The following ZNF880 variants were observed in gnomAD, a reference collection of about 807,000 sequenced individuals.
ZNF880 encodes zinc finger protein 880, also known as zinc finger protein LOC400713.
ZNF880 carries 12 observed loss-of-function variants against 11.8 expected under a neutral mutation model. The ratio of observed to expected loss-of-function variants is 1.02; its 90% CI spans 0.65 to 1.65. The LOEUF is 1.65. Among genes scored for constraint, ZNF880 ranks in the 40% most tolerant of loss-of-function variants. ZNF880 has a pLI of 0.00. For missense variants in ZNF880, 601 were observed against 673.9 expected, an observed-to-expected ratio of 0.89 and a Z score of 1.20; for synonymous variants, 210 against 232.4, an observed-to-expected ratio of 0.90 and a Z score of 0.88.
Position 52,384,187 on chromosome 19 carries a change from C to T in ZNF880, c.607C>T (p.Gln203Ter). Residue 203 changes from glutamine (Q) to a stop codon, truncating the protein, a stop_gained, in exon 4 of 4, where the codon CAA (glutamine) becomes TAA (stop). Coordinates refer to ENST00000422689, the MANE Select transcript of ZNF880 (RefSeq NM_001145434.2). LOFTEE classifies it low-confidence loss of function (END_TRUNC). ...AGTGTCTTCAAGACTTGCTAACAATCAAGTAATCCACACTGCAGATAACCC... is the reference window on the plus strand; with the variant it reads ...AGTGTCTTCAAGACTTGCTAACAATTAAGTAATCCACACTGCAGATAACCC... Reference protein sequence around the residue: ...FRVSSRLANNQVIHTADNPYK... With the variant: ...FRVSSRLANN 1.9e-6 allele frequency: 3 copies of T among 1,610,984 alleles called. No individual in the cohort carries two copies. The highest frequency in any genetic ancestry group is 2.5e-6 in the Non-Finnish European group (3 of 1,178,280).
downstream of ZNF880, among the ~76,000 whole-genome samples, chr19:52,387,984 A>G (rs1462088127): frequency 1.5e-5 from 2 of 136,372 alleles, no homozygotes; most frequent in Non-Finnish European, 3.1e-5. Context: ...GGTTGAAGCA[A>G]TTCTTCTGCT....
chr19:52,375,060 C>T (rs1986512801), intron 3 of ZNF880, among the ~76,000 whole-genome samples: 1 of 151,692 alleles, frequency 6.6e-6, no homozygotes, highest in Admixed American at 6.6e-5. Context: ...TTTCTTTGCC[C>T]CCTCTTACTG....
In ZNF880 at chr19:52,376,509, C is replaced by CTTTTTTTTTTT. The variant is rs869288387; in HGVS notation, c.268+2090_268+2100dup. ...GTCCTTAGCACCGCCCCCCCCCCCC[C>CTTTTTTTTTTT]TTTTTTTTTTTTTTTTTTGAGACAG... On this transcript the variant is annotated intron_variant, in intron 3 of 3. Transcript: ENST00000422689. Among the ~76,000 whole-genome samples the CTTTTTTTTTTT allele has an allele frequency of 3.6e-4, 21 of 58,322 alleles. 2 individuals are homozygous for CTTTTTTTTTTT. The highest frequency in any genetic ancestry group is 4.4e-4 in the Non-Finnish European group (15 of 34,028). 38.3% of individuals were successfully genotyped at this position (58,322 alleles called of 152,430 possible). A position where few individuals can be genotyped will look rare whatever the true frequency, so the allele number is the denominator to read the frequency against.
chr19:52,387,209 T>G (rs1045687244), downstream of ZNF880, among the ~76,000 whole-genome samples: 1 of 144,250 alleles, frequency 6.9e-6, no homozygotes, highest in Non-Finnish European at 1.5e-5. Context: ...CAGAACAATT[T>G]TGTGTGTGTG....
At chr19:52,367,964 G>T (rs1281700364), upstream of ZNF880, among the ~76,000 whole-genome samples, 1 of 152,000 alleles carries the variant, frequency 6.6e-6, no homozygotes, top group Non-Finnish European at 1.5e-5. Context: ...ACTTTGGGAG[G>T]CTGCATTGGG....
chr19:52,369,936 C>A lies in ZNF880; in HGVS notation c.-30C>A, dbSNP rs2122335957. 1 of 1,551,596 alleles carries A rather than the reference C, an allele frequency of 6.4e-7. No homozygotes were observed. The highest frequency in any genetic ancestry group is 1.7e-4 in the Middle Eastern group (1 of 5,992). ...AGCTGCGCGCGCAGTTTCCTGGAGA[C>A]CCGGAAGCAGATTACGTGGAGTGAC... On this transcript the variant is annotated 5_prime_UTR_variant, in exon 1 of 4. Coordinates refer to ENST00000422689, the MANE Select transcript of ZNF880 (RefSeq NM_001145434.2).
chr19:52,386,529 G>A (rs561158349), downstream of ZNF880, among the ~76,000 whole-genome samples: 161 of 143,450 alleles, frequency 1.1e-3, 18 homozygotes, highest in Non-Finnish European at 2.0e-3. Flanking sequence ...TTGGCTGGGC[G>A]CGGTGGCTCA....
chr19:52,371,049 T>G (rs952188262), intron 1 of ZNF880, among the ~76,000 whole-genome samples: 2 of 152,208 alleles, frequency 1.3e-5, no homozygotes, highest in African/African-American at 4.8e-5. Context: ...AGTGTGTACA[T>G]GTGATGTGTG....
intron 1 of ZNF880, among the ~76,000 whole-genome samples, chr19:52,371,668 G>T (rs1358082856): frequency 6.6e-6 from 1 of 151,246 alleles, no homozygotes; most frequent in Non-Finnish European, 1.5e-5. Context: ...GAGCCACCAC[G>T]CCTGGCCTAA....
At chr19:52,369,457 C>A (rs1179287254), upstream of ZNF880, among the ~76,000 whole-genome samples, 1 of 151,360 alleles carries the variant, frequency 6.6e-6, no homozygotes, top group African/African-American at 2.4e-5. Flanking sequence ...ATAAACAATT[C>A]AAGGACTTTA....
At chr19:52,390,220 A>G (rs7253837), downstream of ZNF880, 109,872 of 227,956 alleles carry the variant, frequency 0.48, 27,205 homozygotes, top group Middle Eastern at 0.63. Context: ...TGTCCCCTGC[A>G]CTGGCCCGCA....
At chr19:52,392,632 A>C in the ZNF880 span, 49,447 of 193,674 alleles carry the variant, frequency 0.26, 7,488 homozygotes, top group African/African-American at 0.45. Flanking sequence ...GCCACAGTAC[A>C]CCTTGGTTCT....
At chr19:52,380,996 A>AT (rs1986691982) in intron 3 of ZNF880, among the ~76,000 whole-genome samples, 1 of 151,986 alleles carries the variant, frequency 6.6e-6, no homozygotes, top group Non-Finnish European at 1.5e-5. Flanking sequence ...CTTTTTCTTT[A>AT]TTCTTCTTCT....
chr19:52,375,897 C>T lies in ZNF880; in HGVS notation c.268+1470C>T, dbSNP rs1468625095. ...CTAGGTTGCCCAGGCTTGTCTTGAA[C>T]TCCTGGCCTCAACTATTCTTCCCAC... is the stretch of plus-strand genomic sequence containing the variant. On this transcript the variant is annotated intron_variant, in intron 3 of 3. Transcript: ENST00000422689. 2.0e-5 allele frequency among the ~76,000 whole-genome samples: 3 copies of T among 152,202 alleles called. No individual in the cohort carries two copies. The East Asian group carries it at 5.8e-4, about 29-fold the overall frequency.
At position 52,385,337 on chromosome 19, in the gene ZNF880, G is replaced by GT; in HGVS notation, c.*24dup. 1 of 1,546,086 alleles carries GT rather than the reference G, an allele frequency of 6.5e-7. No individual in the cohort carries two copies. The highest frequency in any genetic ancestry group is 8.8e-7 in the Non-Finnish European group (1 of 1,142,694). ...TGAAATGTGTGTGGTAAGATCTTTA[G>GT]TAATAATTCACACCTTGCACAGCAT... On this transcript the variant is annotated 3_prime_UTR_variant, in exon 4 of 4. Transcript: ENST00000422689.
At chr19:52,393,835 C>CTTTTTTTTTTTTTTT in the ZNF880 span, among the ~76,000 whole-genome samples, 1 of 109,140 alleles carries the variant, frequency 9.2e-6, no homozygotes. Context: ...TGCCCCCCCC[C>CTTTTTTTTTTTTTTT]TTTTTTTTTT....
At chr19:52,366,858 G>A (rs978752798), upstream of ZNF880, 13 of 1,067,092 alleles carry the variant, frequency 1.2e-5, no homozygotes, top group South Asian at 1.9e-4. Flanking sequence ...ATGTGGCAAA[G>A]AATTTAGTTT....
chr19:52,374,933 T>C (rs1986509269), intron 3 of ZNF880, among the ~76,000 whole-genome samples: 1 of 152,012 alleles, frequency 6.6e-6, no homozygotes, highest in African/African-American at 2.4e-5. Flanking sequence ...AGATGAGGTC[T>C]CACTAGGTTG....
At chr19:52,367,326 C>T (rs553541493), upstream of ZNF880, 240 of 152,502 alleles carry the variant, frequency 1.6e-3, no homozygotes, top group Admixed American at 4.0e-3. Context: ...GGTTTCCCTC[C>T]GTTGGCCAGG....
Sources: gnomAD v4.1 joint callset for allele counts (sites outside exome capture counted in the v4.1 genomes callset) on GRCh38, gnomAD v4.1.1 for gene constraint, MANE v1.5 for transcripts, NCBI Gene and HGNC (gene_info 2026-07-23, HGNC 2026-07-21) for gene names.